The following DECR1 variants were observed in gnomAD, a reference collection of about 807,000 sequenced individuals.
DECR1 encodes 2,4-dienoyl-CoA reductase 1, also known as 2,4-dienoyl-CoA reductase [(3E)-enoyl-CoA-producing], mitochondrial.
In DECR1, 44 loss-of-function variants were observed where a neutral mutation model predicts 38.8. The observed-to-expected ratio is 1.13, with a 90% CI of 0.89 to 1.46. The LOEUF (loss-of-function observed/expected upper bound fraction) is 1.46, where lower values mean the gene tolerates loss of function less well. Ranked by LOEUF, DECR1 falls within the 40% of genes most tolerant of loss-of-function variation. The pLI is 0.00. For synonymous variants in DECR1, 148 were observed against 135.2 expected (o/e 1.09, Z -0.66); for missense variants, 428 against 405.5 (o/e 1.06, Z -0.48).
At chr8:90,013,765 C>T (rs1812944217) in intron 1 of DECR1, among the ~76,000 whole-genome samples, 1 of 152,106 alleles carries the variant, frequency 6.6e-6, no homozygotes, top group South Asian at 2.1e-4. Flanking sequence ...GAGATATTTA[C>T]CCTAGACATT....
intron 6 of DECR1, chr8:90,042,512 C>G: frequency 1.8e-6 from 1 of 565,268 alleles, no homozygotes; most frequent in Non-Finnish European, 3.2e-6. Context: ...AGCTAGACCT[C>G]TTGAGATTGA....
At chr8:90,047,483 ACTAT>A (rs1022289714) in intron 8 of DECR1, among the ~76,000 whole-genome samples, 3 of 152,362 alleles carry the variant, frequency 2.0e-5, no homozygotes, top group African/African-American at 7.2e-5. Context: ...AGAAGAGCTA[ACTAT>A]CCTAAATATA....
At chr8:90,032,763 G>A (rs893240079) in intron 5 of DECR1, among the ~76,000 whole-genome samples, 139 of 152,256 alleles carry the variant, frequency 9.1e-4, no homozygotes, top group African/African-American at 3.1e-3. Context: ...CCTACCGGCC[G>A]TTCAACAAAT....
intron 9 of DECR1, 46 bp from the exon 10 acceptor site, chr8:90,051,792 A>G (rs779627906): frequency 6.2e-6 from 10 of 1,612,610 alleles, no homozygotes; most frequent in African/African-American, 2.7e-5. Flanking sequence ...ACTAAGCTTT[A>G]AAAACATGTA....
Position 90,051,934 on chromosome 8 carries a change from A to G in DECR1, c.*37A>G, listed in dbSNP as rs759151725. 6.5e-7 allele frequency: 1 copy of G among 1,547,112 alleles called. No individual in the cohort carries two copies. Among genetic ancestry groups the G allele is most frequent in the Admixed American group, 1.7e-5 (1 of 58,212 alleles). On this transcript the variant is annotated 3_prime_UTR_variant, in exon 10 of 10. Coordinates refer to ENST00000220764, the MANE Select transcript of DECR1 (RefSeq NM_001359.2). ...CCTTCATCTTGGTTACAGAAAAGGG[A>G]ATAGAAATGAAACAAATTATCTCTC...
intron 5 of DECR1, among the ~76,000 whole-genome samples, chr8:90,035,583 T>G (rs1813600169): frequency 6.6e-6 from 1 of 152,146 alleles, no homozygotes; most frequent in Non-Finnish European, 1.5e-5. Context: ...GTGAAATCTT[T>G]TAAAATATTT....
chr8:90,048,889 C>G (rs555325937), intron 8 of DECR1, among the ~76,000 whole-genome samples: 6 of 151,996 alleles, frequency 3.9e-5, no homozygotes. Flanking sequence ...TTCAACATAC[C>G]CAAATCAATA....
intron 8 of DECR1, among the ~76,000 whole-genome samples, chr8:90,048,488 A>G (rs1387376978): frequency 6.6e-6 from 1 of 152,208 alleles, no homozygotes; most frequent in Non-Finnish European, 1.5e-5. Flanking sequence ...TAAACCTGGA[A>G]GAAGTTGAAT....
chr8:90,025,912 T>C (rs975043900), intron 5 of DECR1, among the ~76,000 whole-genome samples: 3 of 152,212 alleles, frequency 2.0e-5, no homozygotes, highest in Non-Finnish European at 4.4e-5. Flanking sequence ...ACCTAATTTA[T>C]TGAGAGTTTT....
chr8:90,050,468 A>G (rs1232198205), intron 8 of DECR1, among the ~76,000 whole-genome samples: 2 of 152,214 alleles, frequency 1.3e-5, no homozygotes, highest in East Asian at 1.9e-4. Context: ...TCAAAACCAC[A>G]GTGAGATACC....
chr8:90,028,451 T>C (rs1454132640), intron 5 of DECR1, among the ~76,000 whole-genome samples: 1 of 152,158 alleles, frequency 6.6e-6, no homozygotes, highest in African/African-American at 2.4e-5. Context: ...GATATTGTAC[T>C]TGATTTTGGA....
chr8:90,023,112 A>G (rs999573375), intron 5 of DECR1, among the ~76,000 whole-genome samples: 2 of 152,186 alleles, frequency 1.3e-5, no homozygotes, highest in Non-Finnish European at 2.9e-5. Context: ...TGACATTTTT[A>G]ACAATATCAT....
At position 90,017,181 on chromosome 8, in the gene DECR1, T is replaced by G. The variant is rs768330421; in HGVS notation, c.127T>G (p.Phe43Val). 2.3e-5 allele frequency: 37 copies of G among 1,614,180 alleles called. 2 individuals are homozygous for G. In the South Asian group the frequency reaches 4.1e-4, roughly 18 times the overall value. Residue 43 changes from phenylalanine to valine, a missense_variant, in exon 2 of 10, where the codon TTC (phenylalanine) becomes GTC (valine). Physicochemically the swap from Phe to Val is conservative, Grantham distance 50 (BLOSUM62 -1). Transcript: ENST00000220764. ...AAACACTGAAGCTTTGCAATCTAAA[T>G]TCTTTTCACCTCTTCAAAAAGCGAT... ...YQNTEALQSK[F>V]FSPLQKAMLP...
At position 90,044,758 on chromosome 8, in the gene DECR1, C is replaced by T. The variant is rs983875399; in HGVS notation, c.739-91C>T. On this transcript the variant is annotated intron_variant, in intron 7 of 9. Transcript: ENST00000220764. Reference sequence around the variant, plus strand: ...AAGCCTAAGGTTTTAAGCTGCATGGCAGCATGCCATTTTATACACATTTTT... The same window carrying T: ...AAGCCTAAGGTTTTAAGCTGCATGGTAGCATGCCATTTTATACACATTTTT... 1.6e-5 allele frequency: 22 copies of T among 1,366,004 alleles called. No homozygotes were observed. In the South Asian group the frequency reaches 3.1e-4, roughly 19 times the overall value. The allele number at this position is 1,366,004 out of a possible 1,614,324, so 84.6% of individuals were successfully genotyped here. A position where few individuals can be genotyped will look rare whatever the true frequency, so the allele number is the denominator to read the frequency against.
In DECR1 at chr8:90,007,575, G is replaced by C. The variant is rs202004713; in HGVS notation, c.69+6014G>C. 5.9e-5 allele frequency among the ~76,000 whole-genome samples: 9 copies of C among 152,214 alleles called. 1 individual carries two copies. The East Asian group carries it at 1.7e-3, about 29-fold the overall frequency. ...GGTGGTGGGGGTGGGGTTAATGGATGAATCTTGGCCTTGTAGCTTAAGGAT... is the reference window on the plus strand; with the variant it reads ...GGTGGTGGGGGTGGGGTTAATGGATCAATCTTGGCCTTGTAGCTTAAGGAT... On this transcript the variant is annotated intron_variant, in intron 1 of 9. Coordinates refer to ENST00000220764, the MANE Select transcript of DECR1 (RefSeq NM_001359.2).
intron 1 of DECR1, among the ~76,000 whole-genome samples, chr8:90,016,532 G>A (rs911217282): frequency 1.3e-5 from 2 of 151,944 alleles, no homozygotes; most frequent in African/African-American, 2.4e-5. Context: ...TACTCTACTC[G>A]GGAGGCTGAG....
At chr8:90,018,134 C>T (rs546900224) in intron 2 of DECR1, among the ~76,000 whole-genome samples, 49 of 152,338 alleles carry the variant, frequency 3.2e-4, no homozygotes, top group South Asian at 1.0e-3. Flanking sequence ...GTGATCCACC[C>T]GCCTTGGCCT....
At chr8:90,047,097 A>G (rs1813928343) in intron 8 of DECR1, among the ~76,000 whole-genome samples, 1 of 152,234 alleles carries the variant, frequency 6.6e-6, no homozygotes, top group Admixed American at 6.5e-5. Flanking sequence ...TGTAGAGACC[A>G]TCAATGCTAC....
intron 8 of DECR1, 143 bp downstream of exon 8, chr8:90,045,138 A>T: frequency 9.5e-6 from 6 of 631,394 alleles, no homozygotes; most frequent in Non-Finnish European, 1.5e-5. Flanking sequence ...AAAATATTAT[A>T]TATATTGTTT....
Sources: allele counts gnomAD v4.1 joint callset (sites outside exome capture counted in the v4.1 genomes callset), GRCh38; gene constraint gnomAD v4.1.1; transcripts MANE v1.5; gene names NCBI Gene and HGNC (gene_info 2026-07-23, HGNC 2026-07-21).